Variants in ABL1 observed in about 807,000 individuals in gnomAD.
ABL1 encodes tyrosine-protein kinase ABL1.
A neutral mutation model predicts 94.7 loss-of-function variants in ABL1; 11 were observed. The observed-to-expected ratio is 0.12, with a 90% CI of 0.07 to 0.19. The LOEUF (loss-of-function observed/expected upper bound fraction) is 0.19, where lower values mean the gene tolerates loss of function less well. Among genes scored for constraint, ABL1 ranks in the 10% least tolerant of loss-of-function variants. ABL1 has a pLI of 1.00. For missense variants in ABL1, 1,082 were observed against 1,489.4 expected (o/e 0.73, Z 4.50); for synonymous variants, 656 against 622.4 (o/e 1.05, Z -0.80).
rs187019766 is a variant in ABL1, at chr9:130,723,728, G to C, written c.136+9273G>C. Among the ~76,000 whole-genome samples, 218 of 152,130 alleles carry C rather than the reference G, an allele frequency of 1.4e-3. 6 individuals carry two copies. The South Asian group carries it at 0.024, about 17-fold the overall frequency. Reference sequence around the variant, plus strand: ...TGAATACATAATCATATACTTCCTAGTAGTATTTCCTAATAGTTTTATGTG... The same window carrying C: ...TGAATACATAATCATATACTTCCTACTAGTATTTCCTAATAGTTTTATGTG... On this transcript the variant is annotated intron_variant, in intron 1 of 10. Transcript: ENST00000372348.
intron 1 of ABL1, among the ~76,000 whole-genome samples, chr9:130,727,142 T>C (rs1462207206): frequency 6.6e-6 from 1 of 152,234 alleles, no homozygotes; most frequent in African/African-American, 2.4e-5. Flanking sequence ...CATGTAGTTT[T>C]CTATAAATCA....
chr9:130,835,118 C>T, upstream of ABL1: 1 of 248,122 alleles, frequency 4.0e-6, no homozygotes, highest in South Asian at 3.2e-5. This position sits in a 1 kb window ranked among gnomAD's most constrained non-coding sequence, Gnocchi z 4.6. Flanking sequence ...TGGAAAGCGG[C>T]GGTGGCTTTG....
At chr9:130,784,452 A>G (rs895935137) in intron 1 of ABL1, among the ~76,000 whole-genome samples, 1 of 152,236 alleles carries the variant, frequency 6.6e-6, no homozygotes, top group Non-Finnish European at 1.5e-5. Context: ...TATTTTGGCC[A>G]GTTAATAAGG....
intron 1 of ABL1, among the ~76,000 whole-genome samples, chr9:130,722,812 G>A (rs1831533337): frequency 6.6e-6 from 1 of 152,182 alleles, no homozygotes; most frequent in South Asian, 2.1e-4. Context: ...AAAGAAAGAT[G>A]ATCAAAGATG....
chr9:130,759,153 A>T (rs1328218079), intron 1 of ABL1, among the ~76,000 whole-genome samples: 2 of 152,200 alleles, frequency 1.3e-5, no homozygotes, highest in African/African-American at 4.8e-5. Context: ...ATTTTTGCTG[A>T]TGTGGGACCC....
chr9:130,857,862 A>G (rs1439383285), intron 3 of ABL1, among the ~76,000 whole-genome samples: 3 of 152,080 alleles, frequency 2.0e-5, no homozygotes, highest in South Asian at 2.1e-4. Context: ...TGGGCCTGTC[A>G]GCTTGCTTTT....
intron 1 of ABL1, among the ~76,000 whole-genome samples, chr9:130,830,076 G>A (rs1830476429): frequency 1.3e-5 from 2 of 152,036 alleles, no homozygotes; most frequent in Admixed American, 1.3e-4. Flanking sequence ...TACTGCTTGA[G>A]TTTTAACCAT....
At chr9:130,758,724 C>T (rs1376755666) in intron 1 of ABL1, among the ~76,000 whole-genome samples, 1 of 152,210 alleles carries the variant, frequency 6.6e-6, no homozygotes, top group African/African-American at 2.4e-5. Context: ...TGAGCCACCG[C>T]ATCCGGCCCC....
intron 1 of ABL1, among the ~76,000 whole-genome samples, chr9:130,827,164 G>A (rs963507208): frequency 6.6e-6 from 1 of 152,206 alleles, no homozygotes; most frequent in African/African-American, 2.4e-5. Context: ...GCCATTGGCC[G>A]AAAATAGTGG....
intron 1 of ABL1, among the ~76,000 whole-genome samples, chr9:130,748,821 C>T (rs1332926520): frequency 6.6e-6 from 1 of 152,212 alleles, no homozygotes. Context: ...ATGTGATCCA[C>T]CTGCCTTGGC....
At chr9:130,853,478 A>C (rs1211841336) in intron 1 of ABL1, among the ~76,000 whole-genome samples, 1 of 145,818 alleles carries the variant, frequency 6.9e-6, no homozygotes, top group East Asian at 2.1e-4. Flanking sequence ...GCAGTGGCGC[A>C]ATCTCTGCTC....
In ABL1 at chr9:130,862,909, C is replaced by T. The variant is rs1450621883; in HGVS notation, c.696C>T (p.Tyr232=). ...CTGTCTATGGTGTGTCCCCCAACTA[C>T]GACAAGTGGGAGATGGAACGCACGG... is the stretch of plus-strand genomic sequence containing the variant. The part of the protein sequence containing the change: ...KPTVYGVSPN[Y]DKWEMERTDI... Residue 232 remains tyrosine, a synonymous_variant, in exon 4 of 11, where the codon TAC becomes TAT. Transcript: ENST00000318560. The surrounding 1 kb of genome is among the most constrained non-coding windows in gnomAD (Gnocchi z 5.5). 2.5e-6 allele frequency: 4 copies of T among 1,614,182 alleles called. No individual in the cohort carries two copies. The highest frequency in any genetic ancestry group is 4.5e-5 in the East Asian group (2 of 44,884).
In ABL1 at chr9:130,884,391, G is replaced by C. The variant is rs775106685; in HGVS notation, c.2101G>C (p.Gly701Arg). The change falls in exon 11 of 11, where the codon GGC (glycine) becomes CGC (arginine). Residue 701 changes from glycine to arginine, a missense_variant. Physicochemically the swap from Gly to Arg is moderately radical, Grantham distance 125. Coordinates refer to ENST00000318560, the MANE Select transcript of ABL1 (RefSeq NM_005157.6). The surrounding 1 kb of genome is among the most constrained non-coding windows in gnomAD (Gnocchi z 5.6). Reference sequence around the variant, plus strand: ...GCTGACCAGCAGCCGCCTAGCCACCGGCGAGGAGGAGGGCGGTGGCAGCTC... The same window carrying C: ...GCTGACCAGCAGCCGCCTAGCCACCCGCGAGGAGGAGGGCGGTGGCAGCTC... ...STLTSSRLAT[G>R]EEEGGGSSSK... 6.2e-7 allele frequency: 1 copy of C among 1,612,010 alleles called. No homozygotes were observed. The highest frequency in any genetic ancestry group is 1.1e-5 in the South Asian group (1 of 91,066).
intron 1 of ABL1, among the ~76,000 whole-genome samples, chr9:130,826,807 G>A (rs1055900901): frequency 5.3e-5 from 8 of 152,154 alleles, no homozygotes; most frequent in African/African-American, 1.7e-4. Flanking sequence ...GGCCGGGCGC[G>A]GTGGCTCACG....
rs139327889 is a variant in ABL1 at position 130,792,901 on chromosome 9, C to T, written c.137-61163C>T. Among the ~76,000 whole-genome samples, 833 of 152,298 alleles carry T rather than the reference C, an allele frequency of 5.5e-3. 2 individuals carry two copies. Among genetic ancestry groups the T allele is most frequent in the Non-Finnish European group, 7.0e-3 (473 of 68,036 alleles). ...ACACCATCTTGCCTCTACAAACTGA[C>T]GGCTTACAAAATGCTACCAAAGGGT... On this transcript the variant is annotated intron_variant, in intron 1 of 10. Coordinates refer to the ABL1 transcript ENST00000372348.
rs767291130 is a variant in ABL1, at chr9:130,854,062, A to G, written c.80-2A>G. 13 of 1,602,226 alleles carry G rather than the reference A, an allele frequency of 8.1e-6. No individual in the cohort carries two copies. In the Admixed American group the frequency reaches 2.3e-4, roughly 28 times the overall value. The stretch of plus-strand genomic sequence containing the variant: ...TTTTCTGTTCCCCCCTTTCTCTTCC[A>G]GAAGCCCTTCAGCGGCCAGTAGCAT... On this transcript the variant is annotated splice_acceptor_variant, in intron 1 of 10. Transcript: ENST00000318560. LOFTEE classifies it high-confidence loss of function.
At chr9:130,754,129 C>T in intron 1 of ABL1, among the ~76,000 whole-genome samples, 1 of 150,938 alleles carries the variant, frequency 6.6e-6, no homozygotes, top group South Asian at 2.1e-4. Flanking sequence ...TCGCTTGAAC[C>T]CAGGAGGCGG....
In ABL1 at chr9:130,880,210, G is replaced by A. The variant is rs1313414000; in HGVS notation, c.1513+53G>A. On this transcript the variant is annotated intron_variant, in intron 9 of 10. Transcript: ENST00000318560. This position sits in a 1 kb window ranked among gnomAD's most constrained non-coding sequence, Gnocchi z 4.4. The stretch of plus-strand genomic sequence containing the variant: ...AGTGGGGTGAAAGGGCAGCCATGTG[G>A]GACTGCAGCCTGGGTCATTCGGTTC... 2 of 1,548,496 alleles carry A rather than the reference G, an allele frequency of 1.3e-6. No homozygotes were observed. The highest frequency in any genetic ancestry group is 2.2e-5 in the East Asian group (1 of 44,542).
intron 1 of ABL1, among the ~76,000 whole-genome samples, chr9:130,850,042 T>C (rs1016969536): frequency 1.3e-5 from 2 of 152,188 alleles, no homozygotes; most frequent in African/African-American, 4.8e-5. Context: ...TTATAAAACA[T>C]GCCTCCATAG....
Sources: allele counts gnomAD v4.1 joint callset (sites outside exome capture counted in the v4.1 genomes callset), GRCh38; gene constraint gnomAD v4.1.1; non-coding constraint Gnocchi (gnomAD v3.1); transcripts MANE v1.5; gene names NCBI Gene and HGNC (gene_info 2026-07-23, HGNC 2026-07-21).